USP20: variants seen among roughly 807,000 people sequenced by gnomAD.
The protein encoded by USP20 is ubiquitin carboxyl-terminal hydrolase 20.
A neutral mutation model predicts 124.2 loss-of-function variants in USP20; 80 were observed. The observed-to-expected ratio is 0.64, with a 90% CI of 0.54 to 0.78. The LOEUF is 0.78. Ranked by LOEUF, USP20 falls within the 30% of genes least tolerant of loss-of-function variation. The pLI, the probability that USP20 is intolerant of heterozygous loss-of-function variation, is 0.00. For missense variants in USP20, 1,043 were observed against 1,244.4 expected, an observed-to-expected ratio of 0.84 and a Z score of 2.44; for synonymous variants, 481 against 512.3, an observed-to-expected ratio of 0.94 and a Z score of 0.83.
At position 129,875,319 on chromosome 9, in the gene USP20, C is replaced by G. The variant is rs370720932; in HGVS notation, c.2058C>G (p.Ser686Arg). 2 of 1,606,938 alleles carry G rather than the reference C, an allele frequency of 1.2e-6. No homozygotes were observed. Among genetic ancestry groups the G allele is most frequent in the Non-Finnish European group, 1.7e-6 (2 of 1,176,484 alleles). Residue 686 changes from serine to arginine, a missense_variant, in exon 20 of 26, where the codon AGC becomes AGG. Physicochemically the swap from Ser to Arg is moderately radical, Grantham distance 110. Transcript: ENST00000372429. ...EGYVLFYRKSSEEAMRERQQV... is the reference protein window; with the variant it reads ...EGYVLFYRKSREEAMRERQQV... ...CCTCCTCACCCCACAGGAAGAGCAG[C>G]GAGGAGGCCATGCGGGAGCGACAGC...
intron 13 of USP20, 71 bp downstream of exon 13, chr9:129,869,496 G>T: frequency 1.3e-6 from 2 of 1,553,794 alleles, no homozygotes; most frequent in South Asian, 2.2e-5. Context: ...CCCTGACTGG[G>T]TGCAGGGTGG....
Position 129,879,743 on chromosome 9 carries a change from CT to C in USP20, c.2584+101del. On this transcript the variant is annotated intron_variant, in intron 24 of 25. Coordinates refer to ENST00000372429, the MANE Select transcript of USP20 (RefSeq NM_001110303.4). The surrounding 1 kb of genome is among the most constrained non-coding windows in gnomAD (Gnocchi z 4.2). ...TTCCAGGAGCCCCCTTACCACCTGT[CT>C]TAGAGTCAGGCTGAGACGTCCACCT... is the stretch of plus-strand genomic sequence containing the variant. 1 of 1,398,860 alleles carries C rather than the reference CT, an allele frequency of 7.1e-7. No homozygotes were observed. Among genetic ancestry groups the C allele is most frequent in the Non-Finnish European group, 1.0e-6 (1 of 998,076 alleles). The allele number at this position is 1,398,860 out of a possible 1,614,324, so 86.7% of individuals were successfully genotyped here.
chr9:129,875,963 G>A (rs75137250), intron 21 of USP20, among the ~76,000 whole-genome samples, 167 bp from the exon 22 acceptor site: 1,958 of 33,526 alleles, frequency 0.058, 20 homozygotes, highest in East Asian at 0.13. Context: ...GGCTGTGGGC[G>A]CGCTGCTCCG....
chr9:129,853,102 A>G (rs1221625140), intron 3 of USP20, among the ~76,000 whole-genome samples: 2 of 152,220 alleles, frequency 1.3e-5, no homozygotes, highest in African/African-American at 4.8e-5. Context: ...AACAGGACAA[A>G]AAGATAAATG....
chr9:129,845,500 C>T (rs2032488017), intron 1 of USP20, among the ~76,000 whole-genome samples: 1 of 152,108 alleles, frequency 6.6e-6, no homozygotes, highest in Non-Finnish European at 1.5e-5. Context: ...AGAGAGGGGA[C>T]TTCTGAGAGG....
intron 21 of USP20, 109 bp from the exon 22 acceptor site, chr9:129,876,021 A>G: frequency 1.0e-6 from 1 of 975,566 alleles, no homozygotes; most frequent in Non-Finnish European, 1.5e-6. Flanking sequence ...GGCCTGCGAC[A>G]GCGCTGAGGG....
chr9:129,868,112 T>A lies in USP20; in HGVS notation c.798T>A (p.Ser266Arg), dbSNP rs777669391. ...CGGAGGCTCGGGACTCAGATTCGAG[T>A]GACACGGATGAGAAACGGGAGGGTG... ...ALTEARDSDSSDTDEKREGDR... is the reference protein window; with the variant it reads ...ALTEARDSDSRDTDEKREGDR... The change falls in exon 11 of 26, where the codon AGT (serine) becomes AGA (arginine). Residue 266 changes from serine to arginine, a missense_variant. Physicochemically the swap from Ser to Arg is moderately radical, Grantham distance 110. Coordinates refer to ENST00000372429, the MANE Select transcript of USP20 (RefSeq NM_001110303.4). The A allele has an allele frequency of 1.2e-6, 2 of 1,613,760 alleles. No homozygotes were observed. Among genetic ancestry groups the A allele is most frequent in the Non-Finnish European group, 1.7e-6 (2 of 1,179,970 alleles).
At chr9:129,866,296 C>G (rs2033818378) in intron 10 of USP20, among the ~76,000 whole-genome samples, 1 of 152,236 alleles carries the variant, frequency 6.6e-6, no homozygotes, top group Non-Finnish European at 1.5e-5. Flanking sequence ...TTGAGAAGCT[C>G]AGCACTGCCT....
chr9:129,851,922 G>T (rs752011943), intron 2 of USP20, among the ~76,000 whole-genome samples: 4 of 151,924 alleles, frequency 2.6e-5, no homozygotes, highest in Non-Finnish European at 5.9e-5. Context: ...CTTTCTCCCT[G>T]CTCTCAGAAG....
intron 1 of USP20, among the ~76,000 whole-genome samples, chr9:129,844,194 A>G (rs973441863): frequency 6.6e-6 from 1 of 152,236 alleles, no homozygotes; most frequent in African/African-American, 2.4e-5. Context: ...AAGGGGTTGT[A>G]TAGCTTAAAT....
chr9:129,846,247 A>ATATATATATATATATATATTT (rs1554742656), intron 1 of USP20, among the ~76,000 whole-genome samples: 4 of 32,676 alleles, frequency 1.2e-4, no homozygotes, highest in Non-Finnish European at 2.1e-4. Flanking sequence ...ATATATATAT[A>ATATATATATATATATATATTT]TTTTTTTTTT....
In USP20 at chr9:129,869,359, C is replaced by G. The variant is rs375250916; in HGVS notation, c.1326C>G (p.Arg442=). The stretch of plus-strand genomic sequence containing the variant: ...GGAGGCGGAAGGAGCAGCGCTACCG[C>G]AGCGTCATCTCAGACATCTTTGACG... ...GSRRRKEQRY[R]SVISDIFDGS... The change falls in exon 13 of 26, where the codon CGC becomes CGG. Residue 442 remains arginine, a synonymous_variant. Transcript: ENST00000372429. 1.2e-6 allele frequency: 2 copies of G among 1,613,776 alleles called. No homozygotes were observed. The highest frequency in any genetic ancestry group is 1.3e-5 in the African/African-American group (1 of 75,068).
intron 13 of USP20, 40 bp downstream of exon 13, chr9:129,869,465 C>T (rs1357958628): frequency 6.3e-7 from 1 of 1,596,690 alleles, no homozygotes; most frequent in Middle Eastern, 1.7e-4. Flanking sequence ...GCCAGGCTGC[C>T]AGTGGCCTCA....
intron 10 of USP20, 145 bp downstream of exon 10, chr9:129,865,526 T>C: frequency 1.3e-6 from 1 of 798,232 alleles, no homozygotes; most frequent in Non-Finnish European, 2.1e-6. Flanking sequence ...TCCTAAGCCC[T>C]TCACACGTGT....
rs992371436 is a variant in USP20, at chr9:129,856,439, C to G, written c.135+79C>G. The G allele has an allele frequency of 3.3e-6, 5 of 1,514,510 alleles. No homozygotes were observed. In the African/African-American group the frequency reaches 6.8e-5, roughly 21 times the overall value. 93.8% of individuals were successfully genotyped at this position (1,514,510 alleles called of 1,614,324 possible). ...GCACTGCACAGGCTGGTGCAGTGGG[C>G]TAGACTCTGGGCTGGGAACTTCCAT... On this transcript the variant is annotated intron_variant, in intron 4 of 25. Coordinates refer to ENST00000372429, the MANE Select transcript of USP20 (RefSeq NM_001110303.4).
chr9:129,837,461 A>T (rs1391589645), intron 1 of USP20, among the ~76,000 whole-genome samples: 3 of 152,228 alleles, frequency 2.0e-5, no homozygotes, highest in East Asian at 3.8e-4. Flanking sequence ...AACGTGATAC[A>T]GTTCACAGCC....
At chr9:129,873,655 G>A (rs2034242994) in intron 16 of USP20, 44 bp from the exon 17 acceptor site, 1 of 1,613,706 alleles carries the variant, frequency 6.2e-7, no homozygotes, top group African/African-American at 1.3e-5. Context: ...CTGGCCCCTG[G>A]CCCTGATGCC....
chr9:129,841,037 C>G (rs1221055670), intron 1 of USP20, among the ~76,000 whole-genome samples: 1 of 152,192 alleles, frequency 6.6e-6, no homozygotes, highest in South Asian at 2.1e-4. Flanking sequence ...TCCCAAAGTG[C>G]TGGGATTACA....
In USP20 at chr9:129,875,451, C is replaced by G; in HGVS notation, c.2190C>G (p.Thr730=). The G allele has an allele frequency of 1.4e-5, 23 of 1,613,594 alleles. No individual in the cohort carries two copies. The highest frequency in any genetic ancestry group is 1.9e-5 in the Non-Finnish European group (22 of 1,179,832). ...FNTFAEPGPI[T]NQTFLCSHGG... ...CCTTCGCGGAGCCAGGCCCCATCAC[C>G]AACCAGACCTTCCTCTGCTCCCACG... The change falls in exon 20 of 26, where the codon ACC becomes ACG. Residue 730 remains threonine (T), a synonymous_variant. Coordinates refer to ENST00000372429, the MANE Select transcript of USP20 (RefSeq NM_001110303.4).
Sources: gnomAD v4.1 joint callset for allele counts (sites outside exome capture counted in the v4.1 genomes callset) on GRCh38, gnomAD v4.1.1 for gene constraint, Gnocchi (gnomAD v3.1) non-coding constraint, MANE v1.5 for transcripts, NCBI Gene and HGNC (gene_info 2026-07-23, HGNC 2026-07-21) for gene names.